ERG: variants seen among roughly 807,000 people sequenced by gnomAD.
ERG encodes the protein ETS transcription factor ERG.
A neutral mutation model predicts 55.3 loss-of-function variants in ERG; 9 were observed. That is an observed-to-expected ratio of 0.16 (90% CI 0.10 to 0.28). The LOEUF is 0.28. Among genes scored for constraint, ERG ranks in the 10% least tolerant of loss-of-function variants. ERG has a pLI of 1.00. For synonymous variants in ERG, 223 were observed against 237.3 expected (o/e 0.94, Z 0.55); for missense variants, 434 against 631.6 (o/e 0.69, Z 3.35).
In ERG at chr21:38,380,842, A is replaced by T. The variant is rs888150536; in HGVS notation, c.*2561T>A. 2 of 1,065,102 alleles carry T rather than the reference A, an allele frequency of 1.9e-6. No individual in the cohort carries two copies. The highest frequency in any genetic ancestry group is 3.3e-5 in the African/African-American group (2 of 61,060). 66.0% of individuals were successfully genotyped at this position (1,065,102 alleles called of 1,614,324 possible). On this transcript the variant is annotated 3_prime_UTR_variant, in exon 10 of 10. Coordinates refer to ENST00000288319, the MANE Select transcript of ERG (RefSeq NM_182918.4). ...TTGTTTTTATGATCTTGCTCATGAG[A>T]CAGTCTTGAAGAGAGAACTGAGTGA... is the stretch of plus-strand genomic sequence containing the variant.
At chr21:38,532,517 C>A (rs988416643) in intron 2 of ERG, among the ~76,000 whole-genome samples, 1 of 152,170 alleles carries the variant, frequency 6.6e-6, no homozygotes, top group African/African-American at 2.4e-5. Flanking sequence ...TGATTCTTGG[C>A]AGGGGATTCT....
intron 1 of ERG, among the ~76,000 whole-genome samples, chr21:38,491,830 C>T (rs1445521989): frequency 1.3e-5 from 2 of 152,204 alleles, no homozygotes; most frequent in East Asian, 3.9e-4. Context: ...AATCTGGAAG[C>T]ACTGCCCCTT....
At chr21:38,369,856 C>A in the ERG span, among the ~76,000 whole-genome samples, 9 of 152,144 alleles carry the variant, frequency 5.9e-5, no homozygotes, top group African/African-American at 1.9e-4. Context: ...CTTATCCTAG[C>A]ACCATTTATT....
At chr21:38,426,302 G>C (rs143354830) in intron 2 of ERG, among the ~76,000 whole-genome samples, 1 of 152,210 alleles carries the variant, frequency 6.6e-6, no homozygotes, top group Non-Finnish European at 1.5e-5. Flanking sequence ...AACACAGAGT[G>C]TCTTCACTTA....
At chr21:38,400,696 C>A (rs140312640) in intron 5 of ERG, 51 bp from the exon 6 acceptor site, 9 of 1,409,360 alleles carry the variant, frequency 6.4e-6, no homozygotes, top group Non-Finnish European at 8.9e-6. Context: ...TTGTGGTTGT[C>A]GATCTCAACA....
upstream of ERG, among the ~76,000 whole-genome samples, chr21:38,585,791 C>T (rs946596306): frequency 2.6e-5 from 4 of 151,924 alleles, no homozygotes; most frequent in Middle Eastern, 3.4e-3. Flanking sequence ...TTAGGAAGCC[C>T]CCAGCCAACT....
chr21:38,482,242 T>C (rs959690092), intron 1 of ERG, among the ~76,000 whole-genome samples: 1 of 152,100 alleles, frequency 6.6e-6, no homozygotes, highest in African/African-American at 2.4e-5. Flanking sequence ...GACATAATAA[T>C]GAACAATGGG....
At chr21:38,419,407 T>C (rs1231468320) in intron 3 of ERG, among the ~76,000 whole-genome samples, 2 of 152,246 alleles carry the variant, frequency 1.3e-5, no homozygotes, top group Non-Finnish European at 2.9e-5. Flanking sequence ...CTTTTTATCC[T>C]GTAGGCACTG....
intron 2 of ERG, among the ~76,000 whole-genome samples, chr21:38,523,621 A>G (rs2059610459): frequency 6.6e-6 from 1 of 152,200 alleles, no homozygotes; most frequent in South Asian, 2.1e-4. Context: ...CACCCCACTC[A>G]TTATTGTAAT....
intron 2 of ERG, among the ~76,000 whole-genome samples, chr21:38,532,551 G>C (rs185956544): frequency 1.3e-5 from 2 of 152,344 alleles, no homozygotes; most frequent in African/African-American, 2.4e-5. Flanking sequence ...TATGTGAAAG[G>C]CTGGTGTGTC....
chr21:38,465,342 T>C (rs1262967086), intron 1 of ERG, among the ~76,000 whole-genome samples: 1 of 152,196 alleles, frequency 6.6e-6, no homozygotes, highest in Non-Finnish European at 1.5e-5. Flanking sequence ...TATATGACAT[T>C]CTGGAAAAGG....
intron 6 of ERG, 164 bp downstream of exon 6, chr21:38,400,410 G>C (rs767075127): frequency 1.3e-6 from 1 of 746,460 alleles, no homozygotes; most frequent in Non-Finnish European, 2.5e-6. Context: ...GAAATGGTTT[G>C]AGTGGATTTA....
intron 1 of ERG, among the ~76,000 whole-genome samples, chr21:38,488,165 G>A (rs2059304042): frequency 6.6e-6 from 1 of 152,184 alleles, no homozygotes; most frequent in Non-Finnish European, 1.5e-5. Context: ...ATGAGAGCTA[G>A]CTTGGAGTGA....
chr21:38,489,156 G>A (rs1601123348), intron 1 of ERG, among the ~76,000 whole-genome samples: 1 of 152,222 alleles, frequency 6.6e-6, no homozygotes, highest in Non-Finnish European at 1.5e-5. Flanking sequence ...GGTAATTGCT[G>A]TAGCAGCATT....
At chr21:38,440,024 G>A (rs190779895) in intron 2 of ERG, among the ~76,000 whole-genome samples, 14 of 152,316 alleles carry the variant, frequency 9.2e-5, no homozygotes, top group Middle Eastern at 3.4e-3. Context: ...CACTTCTCCC[G>A]TGGAGGTGTC....
chr21:38,637,316 T>C (rs985719795), intron 1 of ERG, among the ~76,000 whole-genome samples: 2 of 152,210 alleles, frequency 1.3e-5, no homozygotes, highest in African/African-American at 4.8e-5. Context: ...CCTGACTGAA[T>C]AAAAACTCCT....
At chr21:38,542,159 AC>A (rs2059757507) in intron 2 of ERG, among the ~76,000 whole-genome samples, 1 of 151,850 alleles carries the variant, frequency 6.6e-6, no homozygotes, top group African/African-American at 2.4e-5. Context: ...TAATTTTTTT[AC>A]ATTTTTGGTA....
At chr21:38,456,176 A>G (rs984784103) in intron 1 of ERG, among the ~76,000 whole-genome samples, 1 of 152,260 alleles carries the variant, frequency 6.6e-6, no homozygotes, top group Non-Finnish European at 1.5e-5. Flanking sequence ...ACATGCAGAT[A>G]AGGTAGAAAT....
chr21:38,392,547 CA>C (rs563587626), intron 6 of ERG, 103 bp from the exon 7 acceptor site: 7 of 821,266 alleles, frequency 8.5e-6, no homozygotes, highest in Admixed American at 3.6e-5. Context: ...AAACTTTGTG[CA>C]AAAAAATCTG....
Sources: gnomAD v4.1 joint callset for allele counts (sites outside exome capture counted in the v4.1 genomes callset) on GRCh38, gnomAD v4.1.1 for gene constraint, MANE v1.5 for transcripts, NCBI Gene and HGNC (gene_info 2026-07-23, HGNC 2026-07-21) for gene names.